The following KLHL17 variants were observed in gnomAD, a reference collection of about 807,000 sequenced individuals.
The protein encoded by KLHL17 is kelch like family member 17.
A neutral mutation model predicts 64.6 loss-of-function variants in KLHL17; 71 were observed. That is an observed-to-expected ratio of 1.10 (90% CI 0.91 to 1.34). The LOEUF is 1.34. Among genes scored for constraint, KLHL17 ranks in the 40% most tolerant of loss-of-function variants. The pLI, the probability that KLHL17 is intolerant of heterozygous loss-of-function variation, is 0.00. For synonymous variants in KLHL17, 612 were observed against 405.4 expected (o/e 1.51, Z -6.12); for missense variants, 1,140 against 935.0 (o/e 1.22, Z -2.86).
intron 3 of KLHL17, 31 bp from the exon 4 acceptor site, chr1:961,795 C>T (rs773284714): frequency 3.1e-6 from 5 of 1,610,898 alleles, no homozygotes; most frequent in South Asian, 1.1e-5. Flanking sequence ...CGACCCTGTG[C>T]CTCCCTCACC....
At chr1:962,320 C>T (rs1642695087) in intron 4 of KLHL17, 35 bp from the exon 5 acceptor site, 2 of 1,611,486 alleles carry the variant, frequency 1.2e-6, no homozygotes, top group Non-Finnish European at 1.7e-6. Flanking sequence ...ACAGGACCCT[C>T]CCCAGATCTC....
At position 964,918 on chromosome 1, in the gene KLHL17, C is replaced by T. The variant is rs71628926; in HGVS notation, c.1701-45C>T. On this transcript the variant is annotated intron_variant, in intron 11 of 11. Coordinates refer to ENST00000338591, the MANE Select transcript of KLHL17 (RefSeq NM_198317.3). ...CTTTTTGTGGTGCAGCCCCTCCCCC[C>T]GCATCCCTTCCTGCAGCCAGGGGCT... The T allele has an allele frequency of 1.7e-5, 23 of 1,383,340 alleles. No individual in the cohort carries two copies. In the East Asian group the frequency reaches 2.0e-4, roughly 12 times the overall value. The allele number at this position is 1,383,340 out of a possible 1,614,324, so 85.7% of individuals were successfully genotyped here.
chr1:960,697 C>T lies in KLHL17; in HGVS notation c.4C>T (p.Gln2Ter), dbSNP rs1305454967. 2 of 1,360,050 alleles carry T rather than the reference C, an allele frequency of 1.5e-6. No individual in the cohort carries two copies. The highest frequency in any genetic ancestry group is 3.0e-5 in the South Asian group (2 of 67,584). The allele number at this position is 1,360,050 out of a possible 1,614,324, so 84.2% of individuals were successfully genotyped here. ...CGGCGGTGGGTCCGGCAGCCGAATG[C>T]AGCCCCGCAGCGAGCGCCCGGCCGG... M[Q>*]PRSERPAGRT... Residue 2 changes from glutamine to a stop codon, truncating the protein, a stop_gained, in exon 1 of 12, where the codon CAG becomes TAG. Coordinates refer to ENST00000338591, the MANE Select transcript of KLHL17 (RefSeq NM_198317.3). LOFTEE classifies it high-confidence loss of function.
chr1:961,997 T>C lies in KLHL17; in HGVS notation c.661T>C (p.Phe221Leu). Reference protein sequence around the residue: ...KAAHRYVLQHFVDVAKTEEFM... With the variant: ...KAAHRYVLQHLVDVAKTEEFM... ...CGCCCACAGGTACGTGCTGCAGCAC[T>C]TCGTGGACGTGGCCAAGACCGAGGA... The change falls in exon 4 of 12, where the codon TTC (phenylalanine) becomes CTC (leucine). Residue 221 changes from phenylalanine to leucine, a missense_variant. Physicochemically the swap from Phe to Leu is conservative, Grantham distance 22. Transcript: ENST00000338591. The C allele has an allele frequency of 6.2e-7, 1 of 1,612,902 alleles. No individual in the cohort carries two copies. The highest frequency in any genetic ancestry group is 8.5e-7 in the Non-Finnish European group (1 of 1,180,016).
chr1:964,546 G>GC lies in KLHL17; in HGVS notation c.1700+17dup, dbSNP rs1642819802. 6.8e-7 allele frequency: 1 copy of GC among 1,475,732 alleles called. No individual in the cohort carries two copies. Among genetic ancestry groups the GC allele is most frequent in the Admixed American group, 2.3e-5 (1 of 44,258 alleles). The allele number at this position is 1,475,732 out of a possible 1,614,324, so 91.4% of individuals were successfully genotyped here. ...ATATCCGCAGGTCCGCAGTGGGGCT[G>GC]CGGGGAGGGGGGCGCGGGTCCGCAG... On this transcript the variant is annotated intron_variant, in intron 11 of 11. Transcript: ENST00000338591.
Position 965,347 on chromosome 1 carries a change from G to A in KLHL17, c.*156G>A. ...TATTTAGTTATTTATCTTATTTATT[G>A]AGGGGTGAGGAGTGCCACGGCTGCC... On this transcript the variant is annotated 3_prime_UTR_variant, in exon 12 of 12. Transcript: ENST00000338591. The A allele has an allele frequency of 1.5e-6, 1 of 686,266 alleles. No individual in the cohort carries two copies. 42.5% of individuals were successfully genotyped at this position (686,266 alleles called of 1,614,324 possible).
chr1:965,262 C>T lies in KLHL17; in HGVS notation c.*71C>T, dbSNP rs999119753. On this transcript the variant is annotated 3_prime_UTR_variant, in exon 12 of 12. Transcript: ENST00000338591. ...GACCGTGGCCCCCACCAGGGACGTC[C>T]TGCGCCATCCGTTCACGTCTCTGCA... The T allele has an allele frequency of 3.1e-5, 39 of 1,255,678 alleles. No homozygotes were observed. The Admixed American group carries it at 3.2e-4, about 10-fold the overall frequency. The allele number at this position is 1,255,678 out of a possible 1,614,324, so 77.8% of individuals were successfully genotyped here.
chr1:961,447 C>G lies in KLHL17; in HGVS notation c.262C>G (p.Arg88Gly). 6.2e-7 allele frequency: 1 copy of G among 1,612,302 alleles called. No homozygotes were observed. Among genetic ancestry groups the G allele is most frequent in the Non-Finnish European group, 8.5e-7 (1 of 1,179,812 alleles). ...CGTGGCCATGAGCCGCATGCGCCAG[C>G]GCGGCCTCCTGTGCGACATCGTCCT... The part of the protein sequence containing the change: ...AFVAMSRMRQ[R>G]GLLCDIVLHV... The change falls in exon 2 of 12, where the codon CGC (arginine) becomes GGC (glycine). Residue 88 changes from arginine to glycine, a missense_variant. Coordinates refer to ENST00000338591, the MANE Select transcript of KLHL17 (RefSeq NM_198317.3).
In KLHL17 at chr1:964,100, C is replaced by T. The variant is rs748750662; in HGVS notation, c.1445-7C>T. 1.2e-6 allele frequency: 2 copies of T among 1,612,686 alleles called. No individual in the cohort carries two copies. The highest frequency in any genetic ancestry group is 2.2e-5 in the South Asian group (2 of 91,090). On this transcript the variant is annotated splice_region_variant and splice_polypyrimidine_tract_variant and intron_variant, in intron 9 of 11. Coordinates refer to ENST00000338591, the MANE Select transcript of KLHL17 (RefSeq NM_198317.3). ...AGGAGTGCCACGGGTGTGTTGACTTCCGGCAGATGGGAACCTGTATGCTGT... is the reference window on the plus strand; with the variant it reads ...AGGAGTGCCACGGGTGTGTTGACTTTCGGCAGATGGGAACCTGTATGCTGT...
chr1:964,812 A>AAGG (rs1642861826), intron 11 of KLHL17, 151 bp from the exon 12 acceptor site: 3 of 465,618 alleles, frequency 6.4e-6, no homozygotes, highest in Admixed American at 4.3e-5. Flanking sequence ...TGCTGCCGGG[A>AAGG]GGGGGGCGCG....
Position 962,829 on chromosome 1 carries a change from C to T in KLHL17, c.954C>T (p.His318=), listed in dbSNP as rs1198196667. The change falls in exon 6 of 12, where the codon CAC becomes CAT. Residue 318 remains histidine (H), a synonymous_variant. Coordinates refer to ENST00000338591, the MANE Select transcript of KLHL17 (RefSeq NM_198317.3). ...KDLLIEALKF[H]LLPEQRGVLG... The stretch of plus-strand genomic sequence containing the variant: ...TCCTCATCGAGGCCCTGAAGTTCCA[C>T]CTGCTGCCTGAGCAGAGGGGCGTCC... 5 of 1,605,938 alleles carry T rather than the reference C, an allele frequency of 3.1e-6. No individual in the cohort carries two copies. The highest frequency in any genetic ancestry group is 2.2e-5 in the South Asian group (2 of 90,732).
Position 963,372 on chromosome 1 carries a change from C to T in KLHL17, c.1223C>T (p.Ser408Phe), listed in dbSNP as rs758133453. ...ACCTCAGACCTGGCTACCGTGGAGT[C>T]CTACGACCCCGTGACTAACACGTGG... ...DGTSDLATVE[S>F]YDPVTNTWQP... is the part of the protein sequence containing the mutation. Residue 408 changes from serine to phenylalanine, a missense_variant, in exon 8 of 12, where the codon TCC becomes TTC. Coordinates refer to ENST00000338591, the MANE Select transcript of KLHL17 (RefSeq NM_198317.3). 5.6e-6 allele frequency: 9 copies of T among 1,612,478 alleles called. No homozygotes were observed. Among genetic ancestry groups the T allele is most frequent in the Admixed American group, 3.3e-5 (2 of 59,982 alleles).
chr1:963,470 G>A lies in KLHL17; in HGVS notation c.1321G>A (p.Ala441Thr), dbSNP rs775587429. The change falls in exon 8 of 12, where the codon GCC becomes ACC. Residue 441 changes from alanine to threonine, a missense_variant. Coordinates refer to ENST00000338591, the MANE Select transcript of KLHL17 (RefSeq NM_198317.3). ...VAALHGLLYS[A>T]GGYDGASCLN... ...CGCCTTGCATGGACTCCTGTACTCG[G>A]CCGGCGGCTATGACGGGGCCTCCTG... 109 of 1,610,656 alleles carry A rather than the reference G, an allele frequency of 6.8e-5. No individual in the cohort carries two copies. The highest frequency in any genetic ancestry group is 8.9e-5 in the Non-Finnish European group (105 of 1,178,494).
Position 961,975 on chromosome 1 carries a change from C to T in KLHL17, c.639C>T (p.Ala213=). ...AHSCSDLLKA[A]HRYVLQHFVD... ...CCTGCAGCGACCTGCTCAAGGCCGC[C>T]CACAGGTACGTGCTGCAGCACTTCG... Residue 213 remains alanine (A), a synonymous_variant, in exon 4 of 12, where the codon GCC becomes GCT. Transcript: ENST00000338591. 1 of 1,612,918 alleles carries T rather than the reference C, an allele frequency of 6.2e-7. No homozygotes were observed. Among genetic ancestry groups the T allele is most frequent in the Non-Finnish European group, 8.5e-7 (1 of 1,180,008 alleles).
Position 961,606 on chromosome 1 carries a change from CG to C in KLHL17, c.368-22del, listed in dbSNP as rs757834153. On this transcript the variant is annotated intron_variant, in intron 2 of 11. Coordinates refer to ENST00000338591, the MANE Select transcript of KLHL17 (RefSeq NM_198317.3). The stretch of plus-strand genomic sequence containing the variant: ...GCTCCGTGGGTCCCTCGGGTCAGCT[CG>C]TGTAACCCGCTGTCCCCGCAGATGA... 5.0e-6 allele frequency: 8 copies of C among 1,612,764 alleles called. No homozygotes were observed. The South Asian group carries it at 8.8e-5, about 18-fold the overall frequency.
At position 964,175 on chromosome 1, in the gene KLHL17, C is replaced by T. The variant is rs369251819; in HGVS notation, c.1513C>T (p.Pro505Ser). Residue 505 changes from proline (P) to serine (S), a missense_variant, in exon 10 of 12, where the codon CCC becomes TCC. Physicochemically the swap from Pro to Ser is moderately conservative, Grantham distance 74 (BLOSUM62 -1). Coordinates refer to ENST00000338591, the MANE Select transcript of KLHL17 (RefSeq NM_198317.3). ...SHLATVEKYE[P>S]QVNVWSPVAS... ...CCTGGCCACTGTGGAGAAGTATGAG[C>T]CCCAGGTGCATAGTGCACCCCTCCT... 2 of 1,612,642 alleles carry T rather than the reference C, an allele frequency of 1.2e-6. No individual in the cohort carries two copies. The highest frequency in any genetic ancestry group is 1.7e-6 in the Non-Finnish European group (2 of 1,179,878).
chr1:963,842 C>T (rs1172906177), intron 8 of KLHL17, 78 bp from the exon 9 acceptor site: 17 of 1,462,520 alleles, frequency 1.2e-5, no homozygotes, highest in Admixed American at 1.7e-5. Flanking sequence ...TCAGCCATTC[C>T]GCTGGGGAGG....
chr1:963,022 C>A, intron 6 of KLHL17, 87 bp from the exon 7 acceptor site: 1 of 1,553,542 alleles, frequency 6.4e-7, no homozygotes, highest in Non-Finnish European at 8.7e-7. Context: ...CCCTCCGCCC[C>A]TCCATTCAGG....
chr1:964,955 C>G lies in KLHL17; in HGVS notation c.1701-8C>G. ...TGCAGCCAGGGGCTCACCCCGCCTT[C>G]CCCCCAGGAGCACGCATGACCTGGT... On this transcript the variant is annotated splice_region_variant and splice_polypyrimidine_tract_variant and intron_variant, in intron 11 of 11. Coordinates refer to ENST00000338591, the MANE Select transcript of KLHL17 (RefSeq NM_198317.3). 1 of 1,584,010 alleles carries G rather than the reference C, an allele frequency of 6.3e-7. No individual in the cohort carries two copies. The highest frequency in any genetic ancestry group is 1.3e-5 in the African/African-American group (1 of 74,372).
Sources: gnomAD v4.1 joint callset for allele counts on GRCh38, gnomAD v4.1.1 for gene constraint, MANE v1.5 for transcripts, NCBI Gene and HGNC (gene_info 2026-07-23, HGNC 2026-07-21) for gene names.